Variants in CACNA1F observed in about 807,000 individuals in gnomAD.
CACNA1F encodes calcium voltage-gated channel subunit alpha1 F, also known as voltage-dependent L-type calcium channel subunit alpha-1F.
In CACNA1F, 59 loss-of-function variants were observed where a neutral mutation model predicts 143.8. The observed-to-expected ratio is 0.41, with a 90% confidence interval of 0.33 to 0.51. The LOEUF is 0.51. Among genes scored for constraint, CACNA1F ranks in the 20% least tolerant of loss-of-function variants. The pLI is 0.22. For synonymous variants in CACNA1F, 643 were observed against 649.1 expected, an observed-to-expected ratio of 0.99 and a Z score of 0.14; for missense variants, 1,411 against 1,647.5, an observed-to-expected ratio of 0.86 and a Z score of 2.48.
At chrX:49,219,274 C>G in intron 21 of CACNA1F, 47 bp downstream of exon 21, 1 of 1,185,651 alleles carries the variant, frequency 8.4e-7, no homozygotes, top group Non-Finnish European at 1.1e-6. Flanking sequence ...CACTAGGACA[C>G]CCCTGGGAGT....
At chrX:49,208,808 C>A in intron 42 of CACNA1F, 124 bp from the exon 43 acceptor site, 1 of 558,712 alleles carries the variant, frequency 1.8e-6, no homozygotes, top group South Asian at 2.5e-5. Flanking sequence ...TGGTAAATGT[C>A]AAATAAATAA....
intron 18 of CACNA1F, among the ~76,000 whole-genome samples, 197 bp downstream of exon 18, chrX:49,220,838 C>G (rs782669158): frequency 1.8e-5 from 2 of 112,488 alleles, no homozygotes; most frequent in South Asian, 7.4e-4. Flanking sequence ...ACTTGGGAGG[C>G]TGAGGCAGGA....
chrX:49,213,505 A>G (rs2065678829), intron 31 of CACNA1F, among the ~76,000 whole-genome samples: 1 of 112,416 alleles, frequency 8.9e-6, no homozygotes, highest in Non-Finnish European at 1.9e-5. Flanking sequence ...AGCAGGAGCC[A>G]GTGAACATGA....
At chrX:49,216,923 G>A (rs1335587505) in intron 26 of CACNA1F, among the ~76,000 whole-genome samples, 2 of 111,325 alleles carry the variant, frequency 1.8e-5, no homozygotes. Context: ...GCCAGGCACT[G>A]AACTAGATTT....
In CACNA1F at chrX:49,214,192, C is replaced by A; in HGVS notation, c.3675G>T (p.Glu1225Asp). ...TGAAGGCGATGATTTTGAGCACCATCTCAATAGTGAAGAGGCCAGTGAAGA... is the reference window on the plus strand; with the variant it reads ...TGAAGGCGATGATTTTGAGCACCATATCAATAGTGAAGAGGCCAGTGAAGA... ...NMVFTGLFTI[E>D]MVLKIIAFKP... Residue 1225 changes from glutamate to aspartate, a missense_variant, in exon 30 of 48, where the codon GAG becomes GAT. By Grantham distance (45) the Glu-to-Asp change is conservative (BLOSUM62 2). Coordinates refer to ENST00000323022, the MANE Select transcript of CACNA1F (RefSeq NM_001256789.3). 1 of 1,205,694 alleles carries A rather than the reference C, an allele frequency of 8.3e-7. No individual in the cohort carries two copies. Among genetic ancestry groups the A allele is most frequent in the Non-Finnish European group, 1.1e-6 (1 of 889,677 alleles).
chrX:49,227,185 T>A, intron 8 of CACNA1F, 58 bp from the exon 9 acceptor site: 1 of 968,403 alleles, frequency 1.0e-6, no homozygotes, highest in Non-Finnish European at 1.4e-6. Flanking sequence ...CTTGCTTTCA[T>A]CACTCCAGCC....
At chrX:49,222,401 G>T in intron 17 of CACNA1F, 121 bp downstream of exon 17, 1 of 547,673 alleles carries the variant, frequency 1.8e-6, no homozygotes, top group South Asian at 2.6e-5. Context: ...ACTGGCAGAT[G>T]GTATCTGGAG....
Position 49,206,542 on chromosome X carries a change from C to T in CACNA1F, c.5441G>A (p.Arg1814His), listed in dbSNP as rs375373629. Residue 1814 changes from arginine (R) to histidine (H), a missense_variant, in exon 46 of 48, where the codon CGT becomes CAT. By Grantham distance (29) the Arg-to-His change is conservative. Transcript: ENST00000323022. ...EDLPIPGTYH[R>H]GRNSGPNRAQ... ...CCTATTGGGCCCTGAATTTCGCCCA[C>T]GATGATAGGTGCCTGGGATGGGTAA... 9.1e-6 allele frequency: 11 copies of T among 1,208,197 alleles called. No individual in the cohort carries two copies. Among genetic ancestry groups the T allele is most frequent in the Admixed American group, 2.2e-5 (1 of 45,772 alleles).
chrX:49,205,348 A>G lies in CACNA1F; in HGVS notation c.5690T>C (p.Leu1897Pro), dbSNP rs1043534983. 1.7e-6 allele frequency: 2 copies of G among 1,199,969 alleles called. No homozygotes were observed. Among genetic ancestry groups the G allele is most frequent in the African/African-American group, 3.5e-5 (2 of 57,513 alleles). Reference sequence around the variant, plus strand: ...ACGTGGGTCTCGAGCAAAGAGGCCCAGACCCTCTGAGATAAGCACCTGGGG... The same window carrying G: ...ACGTGGGTCTCGAGCAAAGAGGCCCGGACCCTCTGAGATAAGCACCTGGGG... ...LVEAVLISEG[L>P]GLFARDPRFV... Residue 1897 changes from leucine (L) to proline (P), a missense_variant, in exon 48 of 48, where the codon CTG (leucine) becomes CCG (proline). Coordinates refer to ENST00000323022, the MANE Select transcript of CACNA1F (RefSeq NM_001256789.3).
intron 4 of CACNA1F, 60 bp downstream of exon 4, chrX:49,230,790 A>G: frequency 8.7e-7 from 1 of 1,145,261 alleles, no homozygotes. Flanking sequence ...TGAGCCCAGA[A>G]TTCAGCGGGC....
At chrX:49,217,620 G>T in intron 26 of CACNA1F, 135 bp downstream of exon 26, 1 of 591,190 alleles carries the variant, frequency 1.7e-6, no homozygotes, top group South Asian at 2.3e-5. Flanking sequence ...CCGAAGACTT[G>T]GTGAGATCTG....
Position 49,206,568 on chromosome X carries a change from A to G in CACNA1F, c.5415T>C (p.Asp1805=). 3.3e-6 allele frequency: 4 copies of G among 1,210,735 alleles called. No individual in the cohort carries two copies. The African/African-American group carries it at 7.0e-5, about 21-fold the overall frequency. Residue 1805 remains aspartate, a synonymous_variant, in exon 46 of 48, where the codon GAT becomes GAC. Transcript: ENST00000323022. ...GATGATAGGTGCCTGGGATGGGTAA[A>G]TCCTCACAACTGCCCTGGCGCTGCA... ...QCLQRQGSCE[D]LPIPGTYHRG...
Position 49,218,740 on chromosome X carries a change from G to A in CACNA1F, c.2734-5C>T. The stretch of plus-strand genomic sequence containing the variant: ...GAAGGCCCCAAACACTGTCATCTGG[G>A]GACAGGACAAGAGGCTAGACTCAGA... On this transcript the variant is annotated splice_polypyrimidine_tract_variant and splice_region_variant and intron_variant, in intron 22 of 47. Transcript: ENST00000323022. The A allele has an allele frequency of 9.0e-7, 1 of 1,114,855 alleles. No individual in the cohort carries two copies. The highest frequency in any genetic ancestry group is 1.2e-6 in the Non-Finnish European group (1 of 830,865). The allele number at this position is 1,114,855 out of a possible 1,213,427, so 91.9% of individuals were successfully genotyped here.
intron 41 of CACNA1F, 50 bp from the exon 42 acceptor site, chrX:49,209,443 C>T (rs2065632866): frequency 1.7e-6 from 2 of 1,177,453 alleles, no homozygotes; most frequent in Admixed American, 2.2e-5. Flanking sequence ...TCTGAACTTT[C>T]CCTCTGTTTC....
rs781795127 is a variant in CACNA1F, at chrX:49,220,541, G to A, written c.2335-17C>T. 4.4e-5 allele frequency: 52 copies of A among 1,181,124 alleles called. No individual in the cohort carries two copies. Among genetic ancestry groups the A allele is most frequent in the Middle Eastern group, 2.3e-4 (1 of 4,311 alleles). On this transcript the variant is annotated splice_polypyrimidine_tract_variant and intron_variant, in intron 18 of 47. Transcript: ENST00000323022. ...ACCAGGCACCTGAGGACAGGAAGAC[G>A]GGAGTCATCAATGGTGAGGGAGACA...
chrX:49,207,062 T>G lies in CACNA1F; in HGVS notation c.5174A>C (p.Gln1725Pro). 1 of 1,203,796 alleles carries G rather than the reference T, an allele frequency of 8.3e-7. No homozygotes were observed. Among genetic ancestry groups the G allele is most frequent in the Non-Finnish European group, 1.1e-6 (1 of 890,778 alleles). Residue 1725 changes from glutamine (Q) to proline (P), a missense_variant, in exon 44 of 48, where the codon CAG becomes CCG. This residue lies in a region of CACNA1F where 349 missense variants were observed against 350.2 expected (regional missense o/e 1.00). Coordinates refer to ENST00000323022, the MANE Select transcript of CACNA1F (RefSeq NM_001256789.3). ...IFTIPEEGNSQPKGTKGQNKQ... is the reference protein window; with the variant it reads ...IFTIPEEGNSPPKGTKGQNKQ... The stretch of plus-strand genomic sequence containing the variant: ...GTTTTGCCCTTTGGTTCCCTTGGGC[T>G]GAGAATTTCCTTCTTCTGGGATGGT...
intron 27 of CACNA1F, among the ~76,000 whole-genome samples, chrX:49,216,099 A>G (rs1208646872): frequency 9.1e-6 from 1 of 109,370 alleles, no homozygotes; most frequent in Non-Finnish European, 1.9e-5. Context: ...ACCATCTCCA[A>G]TCCTTTCCAG....
At chrX:49,206,478 C>A (rs1268952593) in intron 46 of CACNA1F, 33 bp downstream of exon 46, 1 of 1,033,337 alleles carries the variant, frequency 9.7e-7, no homozygotes, top group Non-Finnish European at 1.4e-6. Flanking sequence ...TCTCTCCAGA[C>A]CCCAGACCCC....
In CACNA1F at chrX:49,210,036, A is replaced by G. The variant is rs782487944; in HGVS notation, c.4595T>C (p.Leu1532Pro). Residue 1532 changes from leucine (L) to proline (P), a missense_variant, in exon 40 of 48, where the codon CTG becomes CCG. By Grantham distance (98) the Leu-to-Pro change is moderately conservative. Around this residue, in one of 3 missense-constraint regions of CACNA1F, gnomAD observed 112 missense variants for 169.2 expected, o/e 0.66. Transcript: ENST00000323022. Reference sequence around the variant, plus strand: ...CCGCAGCTCCTGGTTGGCTTGCTCCAGGTTCCCTGCGTTGGAGGAGGATGT... The same window carrying G: ...CCGCAGCTCCTGGTTGGCTTGCTCCGGGTTCCCTGCGTTGGAGGAGGATGT... ...TSLKIKTEGN[L>P]EQANQELRIV... The G allele has an allele frequency of 8.4e-7, 1 of 1,196,483 alleles. No homozygotes were observed.
Sources: allele counts gnomAD v4.1 joint callset (sites outside exome capture counted in the v4.1 genomes callset), GRCh38; gene constraint gnomAD v4.1.1; regional missense constraint gnomAD v4.1.1; transcripts MANE v1.5; gene names NCBI Gene and HGNC (gene_info 2026-07-23, HGNC 2026-07-21).